The following ITFG1 variants were observed in gnomAD, a reference collection of about 807,000 sequenced individuals.
The protein encoded by ITFG1 is T-cell immunomodulatory protein.
Under a neutral mutation model 81.8 loss-of-function variants are expected in ITFG1, and 34 were observed. The observed-to-expected ratio is 0.42, with a 90% CI of 0.32 to 0.55. ITFG1 has a LOEUF of 0.55. Among genes scored for constraint, ITFG1 ranks in the 20% least tolerant of loss-of-function variants. The pLI is 0.17. For synonymous variants in ITFG1, 285 were observed against 270.6 expected, an observed-to-expected ratio of 1.05 and a Z score of -0.52; for missense variants, 672 against 755.4, an observed-to-expected ratio of 0.89 and a Z score of 1.29.
At chr16:47,312,076 T>C (rs1967274073) in intron 9 of ITFG1, 1 of 152,172 alleles carries the variant, frequency 6.6e-6, no homozygotes, top group Admixed American at 6.5e-5. Flanking sequence ...TTAATGGCCA[T>C]GAAGAGAACA....
At chr16:47,327,604 A>G (rs1967569891) in intron 8 of ITFG1, among the ~76,000 whole-genome samples, 1 of 152,212 alleles carries the variant, frequency 6.6e-6, no homozygotes, top group Non-Finnish European at 1.5e-5. Flanking sequence ...TCCAGAATCT[A>G]CAATGAACTC....
intron 16 of ITFG1, among the ~76,000 whole-genome samples, chr16:47,160,702 C>T (rs1964790222): frequency 6.6e-6 from 1 of 152,062 alleles, no homozygotes; most frequent in South Asian, 2.1e-4. Context: ...CATTAATTTA[C>T]CATAAAATGC....
chr16:47,389,766 T>G (rs192185898), intron 6 of ITFG1, among the ~76,000 whole-genome samples: 2 of 152,292 alleles, frequency 1.3e-5, no homozygotes, highest in African/African-American at 4.8e-5. Context: ...GTAAGCCCTA[T>G]AGCAACCACT....
intron 7 of ITFG1, among the ~76,000 whole-genome samples, chr16:47,371,891 G>A (rs1322690221): frequency 1.3e-5 from 2 of 151,736 alleles, no homozygotes; most frequent in Non-Finnish European, 2.9e-5. Context: ...GGGTGCCCAA[G>A]GATCTGGTTT....
intron 14 of ITFG1, among the ~76,000 whole-genome samples, chr16:47,169,055 G>A (rs1964927217): frequency 6.6e-6 from 1 of 152,050 alleles, no homozygotes. Context: ...ATTTATTTAT[G>A]GGCTCTCAAT....
rs1171005241 is a variant in ITFG1, at chr16:47,306,126, T to C, written c.1070+5114A>G. Among the ~76,000 whole-genome samples the C allele has an allele frequency of 2.0e-5, 3 of 152,218 alleles. No homozygotes were observed. The East Asian group carries it at 5.8e-4, about 29-fold the overall frequency. On this transcript the variant is annotated intron_variant, in intron 10 of 17. Coordinates refer to ENST00000320640, the MANE Select transcript of ITFG1 (RefSeq NM_030790.5). ...TAAAGGTAAAATTTAAGTATAGGTA[T>C]TAATATTTAATAACCACAATGACAA...
At chr16:47,157,013 A>T (rs1343751974) in intron 17 of ITFG1, among the ~76,000 whole-genome samples, 1 of 152,218 alleles carries the variant, frequency 6.6e-6, no homozygotes, top group East Asian at 1.9e-4. Context: ...GAGACCAAGT[A>T]GGATGTAAGA....
intron 7 of ITFG1, among the ~76,000 whole-genome samples, chr16:47,368,996 T>C (rs1279537985): frequency 1.3e-5 from 2 of 152,232 alleles, no homozygotes; most frequent in Non-Finnish European, 2.9e-5. Context: ...TTTTCCATTA[T>C]TATCATCACT....
chr16:47,409,936 T>C (rs1250064379), intron 6 of ITFG1, among the ~76,000 whole-genome samples: 3 of 152,070 alleles, frequency 2.0e-5, no homozygotes, highest in Non-Finnish European at 4.4e-5. Context: ...TTAATTTCCT[T>C]AAGACACAAA....
At chr16:47,409,283 A>G (rs1177484618) in intron 6 of ITFG1, among the ~76,000 whole-genome samples, 1 of 147,442 alleles carries the variant, frequency 6.8e-6, no homozygotes, top group Non-Finnish European at 1.5e-5. Context: ...AGAGAGATGA[A>G]TATCTAAAGA....
intron 5 of ITFG1, among the ~76,000 whole-genome samples, chr16:47,435,873 C>T (rs1049197895): frequency 6.6e-6 from 1 of 152,048 alleles, no homozygotes; most frequent in Admixed American, 6.5e-5. Context: ...GCACAAATAG[C>T]TGCAAAATAG....
rs1363116162 is a variant in ITFG1, at chr16:47,428,845, T to C, written c.614A>G (p.His205Arg). The change falls in exon 6 of 18, where the codon CAT becomes CGT. Residue 205 changes from histidine (H) to arginine (R), a missense_variant. By Grantham distance (29) the His-to-Arg change is conservative. This residue lies in a region of ITFG1 where 560 missense variants were observed against 625.7 expected (regional missense o/e 0.90). Coordinates refer to ENST00000320640, the MANE Select transcript of ITFG1 (RefSeq NM_030790.5). ...LTTTSKMRIP[H>R]SHAFIDLTED... Reference sequence around the variant, plus strand: ...AGTCAGATCAATAAATGCATGAGAATGTGGAATTCGCATTTTACTTGTAGT... The same window carrying C: ...AGTCAGATCAATAAATGCATGAGAACGTGGAATTCGCATTTTACTTGTAGT... 1.9e-6 allele frequency: 3 copies of C among 1,611,122 alleles called. No individual in the cohort carries two copies. The African/African-American group carries it at 4.0e-5, about 22-fold the overall frequency.
intron 6 of ITFG1, among the ~76,000 whole-genome samples, chr16:47,380,048 CAAAAAAA>C (rs763213367): frequency 5.5e-4 from 27 of 49,100 alleles, no homozygotes; most frequent in South Asian, 7.6e-4. Context: ...CTTGGGTAGC[CAAAAAAA>C]AAAAAAAAAA....
intron 14 of ITFG1, among the ~76,000 whole-genome samples, chr16:47,176,517 C>T (rs1157447099): frequency 6.6e-6 from 1 of 152,178 alleles, no homozygotes; most frequent in Non-Finnish European, 1.5e-5. Flanking sequence ...TACATAGGGA[C>T]TCTAACCTAC....
intron 6 of ITFG1, among the ~76,000 whole-genome samples, chr16:47,398,130 A>G (rs1424161698): frequency 6.6e-6 from 1 of 152,212 alleles, no homozygotes; most frequent in Non-Finnish European, 1.5e-5. Flanking sequence ...CTTGAAATTC[A>G]GACTTAAAGC....
chr16:47,169,626 C>T (rs1332664377), intron 14 of ITFG1, among the ~76,000 whole-genome samples: 1 of 152,080 alleles, frequency 6.6e-6, no homozygotes, highest in Non-Finnish European at 1.5e-5. Flanking sequence ...ATCATGTCAC[C>T]TGCAAATAGA....
chr16:47,181,346 G>A (rs1444211894), intron 14 of ITFG1, among the ~76,000 whole-genome samples: 1 of 151,560 alleles, frequency 6.6e-6, no homozygotes, highest in East Asian at 2.0e-4. Context: ...CGTCCGGGAG[G>A]GAGGTGGGGG....
chr16:47,372,270 G>A (rs1490142423), intron 7 of ITFG1, among the ~76,000 whole-genome samples: 1 of 151,346 alleles, frequency 6.6e-6, no homozygotes, highest in Non-Finnish European at 1.5e-5. Context: ...ATAGAGATGA[G>A]GTCTTGCTCT....
intron 5 of ITFG1, among the ~76,000 whole-genome samples, chr16:47,433,229 A>ACC (rs1969115953): frequency 6.6e-6 from 1 of 152,266 alleles, no homozygotes; most frequent in South Asian, 2.1e-4. Flanking sequence ...AAAGGGACAG[A>ACC]CCATCAGCCA....
Sources: allele counts gnomAD v4.1 joint callset (sites outside exome capture counted in the v4.1 genomes callset), GRCh38; gene constraint gnomAD v4.1.1; regional missense constraint gnomAD v4.1.1; transcripts MANE v1.5; gene names NCBI Gene and HGNC (gene_info 2026-07-23, HGNC 2026-07-21).